D2HGDH: variants seen among roughly 807,000 people sequenced by gnomAD.
D2HGDH encodes the protein D-2-hydroxyglutarate dehydrogenase, also known as D-2-hydroxyglutarate dehydrogenase, mitochondrial.
A neutral mutation model predicts 46.9 loss-of-function variants in D2HGDH; 31 were observed. The ratio of observed to expected loss-of-function variants is 0.66; its 90% CI spans 0.50 to 0.89. The LOEUF is 0.89. Among genes scored for constraint, D2HGDH ranks in the 40% least tolerant of loss-of-function variants. D2HGDH has a pLI of 0.00. For synonymous variants in D2HGDH, 364 were observed against 332.6 expected, an observed-to-expected ratio of 1.09 and a Z score of -1.03; for missense variants, 698 against 720.8, an observed-to-expected ratio of 0.97 and a Z score of 0.36.
At chr2:241,761,601 T>C (rs1440566447) in intron 9 of D2HGDH, among the ~76,000 whole-genome samples, 1 of 152,186 alleles carries the variant, frequency 6.6e-6, no homozygotes, top group African/African-American at 2.4e-5. Context: ...CCATTTCCTG[T>C]CAGAGACTCG....
At position 241,735,490 on chromosome 2, in the gene D2HGDH, A is replaced by G. The variant is rs1268112256; in HGVS notation, c.266A>G (p.Asn89Ser). 3.1e-6 allele frequency: 5 copies of G among 1,608,276 alleles called. No homozygotes were observed. The highest frequency in any genetic ancestry group is 4.2e-6 in the Non-Finnish European group (5 of 1,179,802). The stretch of plus-strand genomic sequence containing the variant: ...GACCCGGAAGCGCTGCAGGCTCCCA[A>G]CGTGGACTGGTTGCGGACGCTGCGA... ...VTDPEALQAP[N>S]VDWLRTLRGC... The change falls in exon 2 of 10, where the codon AAC becomes AGC. Residue 89 changes from asparagine (N) to serine (S), a missense_variant. Physicochemically the swap from Asn to Ser is conservative, Grantham distance 46 (BLOSUM62 1). Transcript: ENST00000321264.
chr2:241,755,139 A>G (rs1319095461), intron 8 of D2HGDH: 28 of 1,303,758 alleles, frequency 2.1e-5, no homozygotes, highest in Non-Finnish European at 2.8e-5. Flanking sequence ...TGCTTCAGCC[A>G]CCAGCACCGT....
Position 241,742,738 on chromosome 2 carries a change from G to T in D2HGDH, c.490+164G>T, listed in dbSNP as rs1157642004. ...TAGCCTGGCCGCCTAGCCCCACCTC[G>T]CCCGGCCCCTCCAGACATGCGTGCT... On this transcript the variant is annotated intron_variant, in intron 4 of 9. Transcript: ENST00000321264. This position sits in a 1 kb window ranked among gnomAD's most constrained non-coding sequence, Gnocchi z 4.8. Among the ~76,000 whole-genome samples, 1 of 152,168 alleles carries T rather than the reference G, an allele frequency of 6.6e-6. No homozygotes were observed. Among genetic ancestry groups the T allele is most frequent in the African/African-American group, 2.4e-5 (1 of 41,432 alleles).
In D2HGDH at chr2:241,767,747, C is replaced by T. The variant is rs1352681841; in HGVS notation, c.1344C>T (p.Ala448=). Residue 448 remains alanine, a synonymous_variant, in exon 10 of 10, where the codon GCC becomes GCT. Coordinates refer to ENST00000321264, the MANE Select transcript of D2HGDH (RefSeq NM_152783.5). ...TGCACCTCAATGTGACGGCGGAGGC[C>T]TTCAGCCCCTCGCTCCTGGCTGCCC... ...GNLHLNVTAE[A]FSPSLLAALE... The T allele has an allele frequency of 1.2e-6, 2 of 1,612,730 alleles. No individual in the cohort carries two copies. Among genetic ancestry groups the T allele is most frequent in the African/African-American group, 2.7e-5 (2 of 74,848 alleles).
At chr2:241,762,715 C>T (rs548491904) in intron 9 of D2HGDH, among the ~76,000 whole-genome samples, 4 of 152,284 alleles carry the variant, frequency 2.6e-5, no homozygotes, top group African/African-American at 7.2e-5. Context: ...CGTGTGTGAT[C>T]GGCCGTCAGA....
chr2:241,755,533 G>A (rs747043251), intron 8 of D2HGDH: 69 of 1,382,692 alleles, frequency 5.0e-5, no homozygotes, highest in African/African-American at 5.8e-5. Context: ...TGTCCCAGCC[G>A]CCTGATTGCC....
intron 9 of D2HGDH, among the ~76,000 whole-genome samples, chr2:241,757,225 G>T (rs1365779558): frequency 1.3e-5 from 2 of 152,200 alleles, no homozygotes; most frequent in African/African-American, 4.8e-5. Context: ...TAAGTAACTT[G>T]CCCAAAGTTG....
chr2:241,745,087 C>A (rs1273333610), intron 6 of D2HGDH, among the ~76,000 whole-genome samples: 1 of 151,742 alleles, frequency 6.6e-6, no homozygotes, highest in African/African-American at 2.4e-5. Flanking sequence ...AGAGTGAGGC[C>A]TCTCTCTGTC....
chr2:241,739,127 G>A (rs1201458956), intron 2 of D2HGDH, among the ~76,000 whole-genome samples: 1 of 152,228 alleles, frequency 6.6e-6, no homozygotes, highest in Non-Finnish European at 1.5e-5. Context: ...GTCTTTGTGG[G>A]GCTCCCATCG....
intron 9 of D2HGDH, 21 bp downstream of exon 9, chr2:241,756,035 G>A (rs757678316): frequency 2.7e-5 from 43 of 1,586,940 alleles, no homozygotes; most frequent in African/African-American, 1.6e-4. Context: ...CCCCGGGGCC[G>A]CGGCCCTGTG....
intron 9 of D2HGDH, among the ~76,000 whole-genome samples, chr2:241,764,908 C>T (rs1001551689): frequency 3.3e-5 from 5 of 152,212 alleles, no homozygotes; most frequent in South Asian, 2.1e-4. Context: ...TTCTCTGAGC[C>T]GTCGCCTTCT....
At chr2:241,737,794 A>G (rs1255467522) in intron 2 of D2HGDH, among the ~76,000 whole-genome samples, 3 of 152,224 alleles carry the variant, frequency 2.0e-5, no homozygotes, top group Non-Finnish European at 4.4e-5. Context: ...AGCGAGGTAG[A>G]AGAGAATTGG....
At chr2:241,755,053 A>G in intron 8 of D2HGDH, 1 of 1,301,386 alleles carries the variant, frequency 7.7e-7, no homozygotes, top group Non-Finnish European at 1.0e-6. Context: ...AGATCTCCAC[A>G]ATGGAAGTTC....
intron 5 of D2HGDH, 127 bp from the exon 6 acceptor site, chr2:241,744,582 G>T: frequency 8.4e-7 from 1 of 1,185,642 alleles, no homozygotes; most frequent in Non-Finnish European, 1.2e-6. Context: ...CGTACAGGAG[G>T]AAAGTCCATC....
chr2:241,755,124 G>A (rs1301373445), intron 8 of D2HGDH: 12 of 1,303,936 alleles, frequency 9.2e-6, no homozygotes, highest in African/African-American at 3.0e-5. Flanking sequence ...GATTTGGCCC[G>A]GTTCTGCTTC....
At chr2:241,755,680 TG>T (rs751321055) in intron 8 of D2HGDH, 168 bp from the exon 9 acceptor site, 51 of 1,550,864 alleles carry the variant, frequency 3.3e-5, no homozygotes, top group Non-Finnish European at 4.4e-5. Context: ...GGACATTCGC[TG>T]TCTGGGGTTG....
At chr2:241,748,312 G>T (rs1371861704) in intron 6 of D2HGDH, among the ~76,000 whole-genome samples, 1 of 152,080 alleles carries the variant, frequency 6.6e-6, no homozygotes, top group Non-Finnish European at 1.5e-5. Context: ...GTAGAGACAG[G>T]GTTTTGCCAT....
At chr2:241,756,104 G>A in intron 9 of D2HGDH, 90 bp downstream of exon 9, 1 of 1,474,408 alleles carries the variant, frequency 6.8e-7, no homozygotes, top group Non-Finnish European at 9.0e-7. Context: ...AGGCAGGGCA[G>A]TTTGACCATG....
intron 8 of D2HGDH, chr2:241,754,960 G>T: frequency 8.4e-7 from 1 of 1,193,944 alleles, no homozygotes. Flanking sequence ...CAGGTGCTGG[G>T]CTTGAGCCCT....
Sources: allele counts gnomAD v4.1 joint callset (sites outside exome capture counted in the v4.1 genomes callset), GRCh38; gene constraint gnomAD v4.1.1; non-coding constraint Gnocchi (gnomAD v3.1); transcripts MANE v1.5; gene names NCBI Gene and HGNC (gene_info 2026-07-23, HGNC 2026-07-21).